KCTD16: variants seen among roughly 807,000 people sequenced by gnomAD.
KCTD16 encodes the protein potassium channel tetramerization domain containing 16.
A neutral mutation model predicts 33.2 loss-of-function variants in KCTD16; 13 were observed. The observed-to-expected ratio is 0.39, with a 90% confidence interval of 0.25 to 0.62. The LOEUF (loss-of-function observed/expected upper bound fraction) is 0.62, where lower values mean the gene tolerates loss of function less well. Ranked by LOEUF, KCTD16 falls within the 20% of genes least tolerant of loss-of-function variation. The pLI is 0.50. For missense variants in KCTD16, 441 were observed against 525.1 expected (o/e 0.84, Z 1.57); for synonymous variants, 197 against 195.3 (o/e 1.01, Z -0.07).
intron 3 of KCTD16, among the ~76,000 whole-genome samples, chr5:144,329,675 A>G (rs768879730): frequency 1.3e-5 from 2 of 152,052 alleles, no homozygotes; most frequent in Non-Finnish European, 2.9e-5. Context: ...GTAAAGTTGG[A>G]TAGGAATTTT....
At chr5:144,448,312 G>A (rs1260594358) in intron 3 of KCTD16, among the ~76,000 whole-genome samples, 1 of 152,024 alleles carries the variant, frequency 6.6e-6, no homozygotes, top group South Asian at 2.1e-4. Flanking sequence ...TGTAAATCTA[G>A]ATTTTGTTTC....
intron 2 of KCTD16, among the ~76,000 whole-genome samples, chr5:144,186,664 GC>G (rs577213444): frequency 3.5e-4 from 53 of 152,226 alleles, no homozygotes; most frequent in Middle Eastern, 6.8e-3. Flanking sequence ...CTCAACACAT[GC>G]CCAATCCAAA....
chr5:144,245,128 T>G (rs1754513683), intron 3 of KCTD16, among the ~76,000 whole-genome samples: 1 of 152,226 alleles, frequency 6.6e-6, no homozygotes, highest in African/African-American at 2.4e-5. Flanking sequence ...ACTAAATATC[T>G]TCAATGGACC....
At chr5:144,194,216 T>A (rs762268955) in intron 2 of KCTD16, among the ~76,000 whole-genome samples, 3 of 152,154 alleles carry the variant, frequency 2.0e-5, no homozygotes, top group Non-Finnish European at 2.9e-5. Context: ...TAAAGCACCA[T>A]GCTGGGACAA....
intron 2 of KCTD16, among the ~76,000 whole-genome samples, chr5:144,191,530 T>C (rs901432781): frequency 7.9e-5 from 12 of 152,202 alleles, no homozygotes; most frequent in Admixed American, 6.5e-4. Flanking sequence ...AGGTTCCACC[T>C]GTCCTTCAAA....
intron 3 of KCTD16, among the ~76,000 whole-genome samples, chr5:144,457,821 T>C (rs1266922681): frequency 2.6e-5 from 4 of 152,056 alleles, no homozygotes; most frequent in Admixed American, 2.6e-4. Context: ...AAAACAGAGA[T>C]TTAAAGAATT....
chr5:144,248,369 T>C (rs1226502050), intron 3 of KCTD16, among the ~76,000 whole-genome samples: 1 of 152,152 alleles, frequency 6.6e-6, no homozygotes, highest in Non-Finnish European at 1.5e-5. Context: ...GCATGAGTGT[T>C]CAAGGAACAC....
At chr5:144,312,121 G>A (rs901652018) in intron 3 of KCTD16, among the ~76,000 whole-genome samples, 1 of 152,126 alleles carries the variant, frequency 6.6e-6, no homozygotes, top group Admixed American at 6.6e-5. Flanking sequence ...TATGCAGACT[G>A]CTCTCTTAGA....
chr5:144,400,584 G>A (rs1354120750), intron 3 of KCTD16, among the ~76,000 whole-genome samples: 1 of 152,140 alleles, frequency 6.6e-6, no homozygotes, highest in African/African-American at 2.4e-5. Context: ...AGGGACCTTA[G>A]AAATTACTCC....
chr5:144,464,803 G>T (rs937194501), intron 3 of KCTD16, among the ~76,000 whole-genome samples: 4 of 147,642 alleles, frequency 2.7e-5, no homozygotes, highest in African/African-American at 7.5e-5. Flanking sequence ...TCATAGCTGC[G>T]AATTGTTAGG....
intron 3 of KCTD16, among the ~76,000 whole-genome samples, chr5:144,296,915 T>G (rs1387714856): frequency 6.6e-6 from 1 of 152,248 alleles, no homozygotes; most frequent in East Asian, 1.9e-4. Flanking sequence ...AATAATGGAT[T>G]TCACATCTGT....
intron 3 of KCTD16, among the ~76,000 whole-genome samples, chr5:144,249,572 C>A (rs1754640440): frequency 6.6e-6 from 1 of 152,092 alleles, no homozygotes; most frequent in Non-Finnish European, 1.5e-5. Context: ...AAAGCCTATT[C>A]TCTGTTATAA....
intron 3 of KCTD16, among the ~76,000 whole-genome samples, chr5:144,306,115 T>C (rs1488363235): frequency 3.3e-5 from 5 of 152,324 alleles, no homozygotes; most frequent in East Asian, 1.9e-4. Flanking sequence ...ACATCAACAA[T>C]AGTTGATGAT....
intron 3 of KCTD16, among the ~76,000 whole-genome samples, chr5:144,261,879 CA>C (rs538833393): frequency 1.6e-4 from 25 of 152,152 alleles, no homozygotes; most frequent in Non-Finnish European, 1.8e-4. Context: ...TGAATGAGGA[CA>C]ATGACTTTTT....
At chr5:144,451,298 T>G in intron 3 of KCTD16, among the ~76,000 whole-genome samples, 1 of 152,250 alleles carries the variant, frequency 6.6e-6, no homozygotes, top group Admixed American at 6.5e-5. Context: ...CAAGTTATTT[T>G]TATTCTCAAT....
At chr5:144,336,581 A>G (rs528824499) in intron 3 of KCTD16, among the ~76,000 whole-genome samples, 1 of 152,306 alleles carries the variant, frequency 6.6e-6, no homozygotes, top group South Asian at 2.1e-4. Flanking sequence ...GCTTACATCC[A>G]GGATATTATT....
chr5:144,254,931 T>A (rs1754806074), intron 3 of KCTD16, among the ~76,000 whole-genome samples: 1 of 152,056 alleles, frequency 6.6e-6, no homozygotes, highest in Non-Finnish European at 1.5e-5. Context: ...GCCTGGCTAT[T>A]TTTTTAAATT....
chr5:144,372,800 A>G (rs1751998482), intron 3 of KCTD16, among the ~76,000 whole-genome samples: 1 of 152,216 alleles, frequency 6.6e-6, no homozygotes, highest in East Asian at 1.9e-4. Context: ...AATGCCAGAT[A>G]ATGAAATACC....
chr5:144,209,155 G>A (rs1224605358), intron 3 of KCTD16, among the ~76,000 whole-genome samples: 10 of 152,096 alleles, frequency 6.6e-5, no homozygotes, highest in African/African-American at 1.4e-4. Flanking sequence ...ACATAGCATC[G>A]TAAGAAGCTT....
Sources: gnomAD v4.1 joint callset for allele counts (sites outside exome capture counted in the v4.1 genomes callset) on GRCh38, gnomAD v4.1.1 for gene constraint, MANE v1.5 for transcripts, NCBI Gene and HGNC (gene_info 2026-07-23, HGNC 2026-07-21) for gene names.